The following NEIL3 variants were observed in gnomAD, a reference collection of about 807,000 sequenced individuals.
The protein encoded by NEIL3 is nei like DNA glycosylase 3.
A neutral mutation model predicts 57.5 loss-of-function variants in NEIL3; 48 were observed. The observed-to-expected ratio is 0.83, with a 90% CI of 0.66 to 1.06. The LOEUF is 1.06. Ranked by LOEUF, NEIL3 falls within the 50% of genes least tolerant of loss-of-function variation. The pLI, the probability that NEIL3 is intolerant of heterozygous loss-of-function variation, is 0.00. For synonymous variants in NEIL3, 261 were observed against 253.2 expected, an observed-to-expected ratio of 1.03 and a Z score of -0.29; for missense variants, 717 against 739.1, an observed-to-expected ratio of 0.97 and a Z score of 0.35.
intron 9 of NEIL3, 74 bp from the exon 10 acceptor site, chr4:177,362,215 C>A: frequency 8.7e-7 from 1 of 1,150,250 alleles, no homozygotes; most frequent in Non-Finnish European, 1.2e-6. Flanking sequence ...GCACTAATCA[C>A]ATGTGCCTAG....
At position 177,353,629 on chromosome 4, in the gene NEIL3, G is replaced by A; in HGVS notation, c.1361G>A (p.Ser454Asn). The A allele has an allele frequency of 6.2e-7, 1 of 1,613,554 alleles. No homozygotes were observed. The highest frequency in any genetic ancestry group is 8.5e-7 in the Non-Finnish European group (1 of 1,179,626). ...SSKVNISPTI[S>N]SESKLFSPAH... ...AAAGTAAACATATCACCTACAATCAGTTCAGAATCTAAATTATTTAGTCCA... is the reference window on the plus strand; with the variant it reads ...AAAGTAAACATATCACCTACAATCAATTCAGAATCTAAATTATTTAGTCCA... The change falls in exon 8 of 10, where the codon AGT becomes AAT. Residue 454 changes from serine to asparagine, a missense_variant. By Grantham distance (46) the Ser-to-Asn change is conservative. Transcript: ENST00000264596.
chr4:177,349,503 T>C (rs1035447423), intron 6 of NEIL3, among the ~76,000 whole-genome samples: 3 of 152,120 alleles, frequency 2.0e-5, no homozygotes, highest in Non-Finnish European at 4.4e-5. Context: ...CCTCCCTCTC[T>C]CTTATAAAGA....
rs1166216635 is a variant in NEIL3 at position 177,362,513 on chromosome 4, A to G, written c.*42A>G. ...GGCATTTAGTCTCTTCAAACTGTGT[A>G]TAATGTTTGGTCCTCCTCTGTTTCA... On this transcript the variant is annotated 3_prime_UTR_variant, in exon 10 of 10. Transcript: ENST00000264596. 2.7e-6 allele frequency: 4 copies of G among 1,461,312 alleles called. No individual in the cohort carries two copies. Among genetic ancestry groups the G allele is most frequent in the Admixed American group, 2.0e-5 (1 of 50,696 alleles). The allele number at this position is 1,461,312 out of a possible 1,614,324, so 90.5% of individuals were successfully genotyped here. A position where few individuals can be genotyped will look rare whatever the true frequency, so the allele number is the denominator to read the frequency against.
chr4:177,369,869 T>C, the NEIL3 span, among the ~76,000 whole-genome samples: 1 of 152,314 alleles, frequency 6.6e-6, no homozygotes, highest in East Asian at 1.9e-4. Context: ...GTGAAGGGTT[T>C]AGCATTGGCA....
intron 1 of NEIL3, among the ~76,000 whole-genome samples, chr4:177,318,780 T>A (rs944564018): frequency 2.0e-5 from 3 of 152,204 alleles, no homozygotes; most frequent in Non-Finnish European, 2.9e-5. Flanking sequence ...TCTAACATAC[T>A]GTGTTATTGT....
At chr4:177,366,353 T>C (rs1735692552), downstream of NEIL3, among the ~76,000 whole-genome samples, 1 of 152,230 alleles carries the variant, frequency 6.6e-6, no homozygotes, top group Non-Finnish European at 1.5e-5. Context: ...TGATGTATTT[T>C]AATTATCTAT....
intron 2 of NEIL3, among the ~76,000 whole-genome samples, chr4:177,333,402 G>A (rs1181026543): frequency 6.6e-6 from 1 of 152,010 alleles, no homozygotes; most frequent in Non-Finnish European, 1.5e-5. Flanking sequence ...TTTAGTTTGG[G>A]CACATTTTCA....
At chr4:177,363,643 T>C (rs983351819), downstream of NEIL3, among the ~76,000 whole-genome samples, 1 of 152,208 alleles carries the variant, frequency 6.6e-6, no homozygotes, top group Non-Finnish European at 1.5e-5. Context: ...GGAAGTCTGG[T>C]CTCCAAAAAT....
chr4:177,355,777 GTC>G (rs1419152955), intron 8 of NEIL3, among the ~76,000 whole-genome samples: 3 of 152,250 alleles, frequency 2.0e-5, no homozygotes, highest in East Asian at 3.9e-4. Flanking sequence ...TTCTGAGACA[GTC>G]TCTGCTCAAT....
intron 6 of NEIL3, among the ~76,000 whole-genome samples, chr4:177,350,766 A>G (rs552093498): frequency 6.6e-6 from 1 of 152,256 alleles, no homozygotes; most frequent in Admixed American, 6.5e-5. Context: ...ATTACTTAAA[A>G]CATTATTTGA....
In NEIL3 at chr4:177,360,758, C is replaced by A. The variant is rs559732157; in HGVS notation, c.1635+81C>A. On this transcript the variant is annotated intron_variant, in intron 9 of 9. Coordinates refer to ENST00000264596, the MANE Select transcript of NEIL3 (RefSeq NM_018248.3). Reference sequence around the variant, plus strand: ...ATGTATAACAAATAGCAATACTTTCCTAGTTTTACCTTTTACCTTTAAATT... The same window carrying A: ...ATGTATAACAAATAGCAATACTTTCATAGTTTTACCTTTTACCTTTAAATT... 1.4e-5 allele frequency: 15 copies of A among 1,086,418 alleles called. No homozygotes were observed. The African/African-American group carries it at 2.2e-4, about 16-fold the overall frequency. The allele number at this position is 1,086,418 out of a possible 1,614,324, so 67.3% of individuals were successfully genotyped here. A position where few individuals can be genotyped will look rare whatever the true frequency, so the allele number is the denominator to read the frequency against.
intron 2 of NEIL3, among the ~76,000 whole-genome samples, chr4:177,333,702 C>G (rs182067378): frequency 2.0e-5 from 3 of 152,156 alleles, no homozygotes; most frequent in Non-Finnish European, 4.4e-5. Context: ...GTGCTCACAT[C>G]GGGAATCATT....
chr4:177,368,775 T>C, the NEIL3 span, among the ~76,000 whole-genome samples: 1 of 152,202 alleles, frequency 6.6e-6, no homozygotes, highest in African/African-American at 2.4e-5. Context: ...GTTAAATCTT[T>C]CCAGTAGTTT....
chr4:177,309,875 G>T lies in NEIL3; in HGVS notation c.-79G>T. 1 of 1,521,338 alleles carries T rather than the reference G, an allele frequency of 6.6e-7. No homozygotes were observed. The highest frequency in any genetic ancestry group is 1.2e-5 in the South Asian group (1 of 80,498). The allele number at this position is 1,521,338 out of a possible 1,614,324, so 94.2% of individuals were successfully genotyped here. On this transcript the variant is annotated 5_prime_UTR_variant, in exon 1 of 10. Transcript: ENST00000264596. The stretch of plus-strand genomic sequence containing the variant: ...TTTGAATTTCCTCTGCGTGCGGTCA[G>T]TGCCCGCGCAGCGTTGAGTTGCACA...
chr4:177,349,045 TTTTTTTTTTTGTA>T (rs1409189596), intron 6 of NEIL3, among the ~76,000 whole-genome samples: 13 of 144,786 alleles, frequency 9.0e-5, no homozygotes, highest in Admixed American at 4.8e-4. Flanking sequence ...TTTTTTTTTT[TTTTTTTTTTTGTA>T]TTTTTAGTAG....
At chr4:177,362,165 A>T (rs1050544181) in intron 9 of NEIL3, 124 bp from the exon 10 acceptor site, 1 of 565,192 alleles carries the variant, frequency 1.8e-6, no homozygotes, top group Non-Finnish European at 2.9e-6. Flanking sequence ...GGTCTATTTT[A>T]CAATGTCAAA....
chr4:177,345,644 G>T (rs570619714), intron 6 of NEIL3, among the ~76,000 whole-genome samples: 1 of 146,214 alleles, frequency 6.8e-6, no homozygotes, highest in African/African-American at 2.5e-5. Context: ...GCCTCCCAAA[G>T]TGCTGGGATT....
In NEIL3 at chr4:177,351,513, A is replaced by T; in HGVS notation, c.1003A>T (p.Lys335Ter). Residue 335 changes from lysine to a stop codon, truncating the protein, a stop_gained, in exon 7 of 10, where the codon AAG (lysine) becomes TAG (stop). Coordinates refer to ENST00000264596, the MANE Select transcript of NEIL3 (RefSeq NM_018248.3). LOFTEE classifies it high-confidence loss of function. ...TACTTTAATCAATAAGCCCTCTTCTAAGGCATGTGATGCTTGCTTGACCTC... is the reference window on the plus strand; with the variant it reads ...TACTTTAATCAATAAGCCCTCTTCTTAGGCATGTGATGCTTGCTTGACCTC... ...VCTLINKPSS[K>*]ACDACLTSRP... 1 of 1,613,702 alleles carries T rather than the reference A, an allele frequency of 6.2e-7. No individual in the cohort carries two copies. The highest frequency in any genetic ancestry group is 8.5e-7 in the Non-Finnish European group (1 of 1,179,870).
At chr4:177,342,281 C>T (rs1327663427) in intron 6 of NEIL3, among the ~76,000 whole-genome samples, 1 of 152,144 alleles carries the variant, frequency 6.6e-6, no homozygotes, top group Non-Finnish European at 1.5e-5. Context: ...CTTGAAAAGT[C>T]TGATTATTTT....
Sources: gnomAD v4.1 joint callset for allele counts (sites outside exome capture counted in the v4.1 genomes callset) on GRCh38, gnomAD v4.1.1 for gene constraint, MANE v1.5 for transcripts, NCBI Gene and HGNC (gene_info 2026-07-23, HGNC 2026-07-21) for gene names.